Variants in STXBP6 observed in about 807,000 individuals in gnomAD.
The protein encoded by STXBP6 is syntaxin binding protein 6, also known as syntaxin-binding protein 6.
STXBP6 carries 21 observed loss-of-function variants against 26.9 expected under a neutral mutation model. The observed-to-expected ratio is 0.78, with a 90% CI of 0.55 to 1.12. The LOEUF (loss-of-function observed/expected upper bound fraction) is 1.12. Ranked by LOEUF, STXBP6 falls within the 50% of genes most tolerant of loss-of-function variation. The pLI is 0.00. For missense variants in STXBP6, 232 were observed against 257.9 expected, an observed-to-expected ratio of 0.90 and a Z score of 0.69; for synonymous variants, 97 against 92.6, an observed-to-expected ratio of 1.05 and a Z score of -0.27.
At chr14:24,929,126 T>A (rs911898398) in intron 2 of STXBP6, among the ~76,000 whole-genome samples, 1 of 152,224 alleles carries the variant, frequency 6.6e-6, no homozygotes, top group African/African-American at 2.4e-5. Context: ...TTTCACAAAT[T>A]TATTCTTCAA....
chr14:24,918,347 T>C (rs2071844455), intron 2 of STXBP6, among the ~76,000 whole-genome samples: 1 of 151,922 alleles, frequency 6.6e-6, no homozygotes, highest in African/African-American at 2.4e-5. Flanking sequence ...CTGTGATGGT[T>C]TTATTTAAAT....
intron 3 of STXBP6, among the ~76,000 whole-genome samples, chr14:24,856,659 T>A (rs2139178312): frequency 6.6e-6 from 1 of 151,976 alleles, no homozygotes; most frequent in Non-Finnish European, 1.5e-5. Context: ...TGATTTTTGG[T>A]AAATACACCT....
chr14:24,966,582 C>G (rs2073741132), intron 2 of STXBP6, among the ~76,000 whole-genome samples: 1 of 152,142 alleles, frequency 6.6e-6, no homozygotes, highest in African/African-American at 2.4e-5. Context: ...GATACCTATT[C>G]AATGCTTACT....
At chr14:24,893,648 A>T (rs192094068) in intron 2 of STXBP6, among the ~76,000 whole-genome samples, 1 of 152,352 alleles carries the variant, frequency 6.6e-6, no homozygotes, top group African/African-American at 2.4e-5. Context: ...CCTAACACAA[A>T]TGCCTAACAA....
chr14:24,871,842 G>C (rs1393758008), intron 2 of STXBP6, among the ~76,000 whole-genome samples: 1 of 152,160 alleles, frequency 6.6e-6, no homozygotes, highest in Non-Finnish European at 1.5e-5. Flanking sequence ...TGACTCATCA[G>C]AGCTAGTAAC....
intron 5 of STXBP6, among the ~76,000 whole-genome samples, chr14:24,814,647 A>G (rs1414106663): frequency 6.6e-6 from 1 of 152,230 alleles, no homozygotes; most frequent in African/African-American, 2.4e-5. Flanking sequence ...ACATTTTGCT[A>G]TTTGAGTATT....
At chr14:24,878,622 T>G (rs941177024) in intron 2 of STXBP6, 8 of 181,582 alleles carry the variant, frequency 4.4e-5, no homozygotes, top group African/African-American at 1.7e-4. Flanking sequence ...TCTTATTTAT[T>G]TATTTATTTT....
intron 4 of STXBP6, among the ~76,000 whole-genome samples, chr14:24,822,146 C>T (rs2068152958): frequency 6.6e-6 from 1 of 152,122 alleles, no homozygotes. Flanking sequence ...GTCAAAACCT[C>T]AACTCATTAT....
At chr14:24,846,922 A>G (rs1042642260) in intron 4 of STXBP6, among the ~76,000 whole-genome samples, 28 of 152,278 alleles carry the variant, frequency 1.8e-4, no homozygotes, top group African/African-American at 6.3e-4. Context: ...CATTTTATTT[A>G]CCCCTTCACT....
chr14:25,018,646 C>G (rs2075204202), intron 1 of STXBP6, among the ~76,000 whole-genome samples: 1 of 152,212 alleles, frequency 6.6e-6, no homozygotes, highest in Non-Finnish European at 1.5e-5. Context: ...ATCCACAGAG[C>G]TGTGTCCTGG....
intron 2 of STXBP6, among the ~76,000 whole-genome samples, chr14:24,952,536 G>T (rs2073204350): frequency 6.6e-6 from 1 of 151,838 alleles, no homozygotes; most frequent in Non-Finnish European, 1.5e-5. Flanking sequence ...TTTTTGAAGG[G>T]GCAGAATTAT....
chr14:24,967,870 C>A (rs2073782690), intron 2 of STXBP6, among the ~76,000 whole-genome samples: 1 of 152,078 alleles, frequency 6.6e-6, no homozygotes, highest in African/African-American at 2.4e-5. Context: ...CCACCACACC[C>A]CTCCCAAGTG....
intron 2 of STXBP6, among the ~76,000 whole-genome samples, chr14:24,960,400 C>A (rs1334535975): frequency 6.6e-6 from 1 of 152,026 alleles, no homozygotes; most frequent in Non-Finnish European, 1.5e-5. Context: ...ACTGTTAACC[C>A]CCAATAGATG....
At chr14:24,923,640 G>A (rs2072061803) in intron 2 of STXBP6, among the ~76,000 whole-genome samples, 1 of 152,136 alleles carries the variant, frequency 6.6e-6, no homozygotes, top group South Asian at 2.1e-4. Context: ...CCACTCTGAT[G>A]AGAGTGAAAT....
In STXBP6 at chr14:24,967,985, T is replaced by C. The variant is rs148355831; in HGVS notation, c.154+6680A>G. Among the ~76,000 whole-genome samples the C allele has an allele frequency of 2.0e-3, 302 of 152,232 alleles. 1 individual carries two copies. Among genetic ancestry groups the C allele is most frequent in the Middle Eastern group, 0.01 (3 of 294 alleles). On this transcript the variant is annotated intron_variant, in intron 2 of 5. Coordinates refer to ENST00000323944, the MANE Select transcript of STXBP6 (RefSeq NM_001394410.1). ...CCAAAATGGTGACCCCGGCAGATCA[T>C]GACCTCTGATGAACACTGGTTCCTT...
At chr14:24,939,793 A>AT (rs551600831) in intron 2 of STXBP6, among the ~76,000 whole-genome samples, 1 of 152,202 alleles carries the variant, frequency 6.6e-6, no homozygotes, top group African/African-American at 2.4e-5. Flanking sequence ...GTTATTTTAC[A>AT]TTTTTTTAAT....
At chr14:24,833,363 TGGAGCATTTATTATAATGCATCAAAATTG>T (rs2068514487) in intron 4 of STXBP6, among the ~76,000 whole-genome samples, 1 of 152,236 alleles carries the variant, frequency 6.6e-6, no homozygotes, top group Non-Finnish European at 1.5e-5. Flanking sequence ...ATTTCTCTAA[TGGAGCATTTATTATAATGCATCAAAATTG>T]TTGGTTGACT....
At chr14:24,933,075 C>T (rs964110) in intron 2 of STXBP6, among the ~76,000 whole-genome samples, 107,990 of 152,158 alleles carry the variant, frequency 0.71, 38,683 homozygotes, top group South Asian at 0.77. Context: ...GGCATGGAGG[C>T]TCAAGCCTGT....
At chr14:24,924,952 C>A (rs2072110237) in intron 2 of STXBP6, among the ~76,000 whole-genome samples, 1 of 152,320 alleles carries the variant, frequency 6.6e-6, no homozygotes, top group East Asian at 1.9e-4. Context: ...AAATCAGCTA[C>A]TATAAGAAGA....
Sources: allele counts gnomAD v4.1 joint callset (sites outside exome capture counted in the v4.1 genomes callset), GRCh38; gene constraint gnomAD v4.1.1; transcripts MANE v1.5; gene names NCBI Gene and HGNC (gene_info 2026-07-23, HGNC 2026-07-21).